Variants in MIB2 observed in about 807,000 individuals in gnomAD.
MIB2 encodes MIB E3 ubiquitin protein ligase 2.
Under a neutral mutation model 96.6 loss-of-function variants are expected in MIB2, and 78 were observed. The ratio of observed to expected loss-of-function variants is 0.81; its 90% CI spans 0.67 to 0.97. The LOEUF is 0.97. Among genes scored for constraint, MIB2 ranks in the 50% least tolerant of loss-of-function variants. The probability of loss-of-function intolerance (pLI) is 0.00; values close to 1 mark genes in which losing one functional copy is unlikely to be tolerated. For missense variants in MIB2, 1,543 were observed against 1,424.0 expected (o/e 1.08, Z -1.35); for synonymous variants, 820 against 629.5 (o/e 1.30, Z -4.53).
At chr1:1,615,706 G>T in intron 1 of MIB2, 73 bp downstream of exon 1, 1 of 1,504,112 alleles carries the variant, frequency 6.6e-7, no homozygotes. Flanking sequence ...CTGGCAGAAC[G>T]CGAGCGCCGT....
In MIB2 at chr1:1,623,946, G is replaced by T. The variant is rs1201454218; in HGVS notation, c.419+1G>T. The T allele has an allele frequency of 2.5e-6, 4 of 1,603,710 alleles. No individual in the cohort carries two copies. Among genetic ancestry groups the T allele is most frequent in the African/African-American group, 1.3e-5 (1 of 74,758 alleles). ...GCTACGAGACCGCTCACTCGCGCCC[G>T]TGAGTCCCGGGCCGCACCGGCTCCT... On this transcript the variant is annotated splice_donor_variant, in intron 4 of 19. Coordinates refer to ENST00000355826, the MANE Select transcript of MIB2 (RefSeq NM_001170687.4). LOFTEE classifies it high-confidence loss of function.
chr1:1,627,967 C>G, intron 13 of MIB2, 52 bp from the exon 14 acceptor site: 3 of 1,608,828 alleles, frequency 1.9e-6, no homozygotes, highest in South Asian at 2.2e-5. Context: ...TGCCCTGGCT[C>G]TTGACCCAAG....
chr1:1,630,269 C>A, intron 19 of MIB2, 23 bp from the exon 20 acceptor site: 4 of 1,318,552 alleles, frequency 3.0e-6, no homozygotes, highest in South Asian at 1.4e-5. Context: ...CCTCCCAGCT[C>A]ACACCCGTCC....
At chr1:1,624,644 C>T in intron 4 of MIB2, 151 bp from the exon 5 acceptor site, 2 of 740,194 alleles carry the variant, frequency 2.7e-6, no homozygotes, top group Non-Finnish European at 4.7e-6. Context: ...ACCTGCTGGA[C>T]CGGCCATTCC....
intron 16 of MIB2, 33 bp downstream of exon 16, chr1:1,628,755 C>A: frequency 6.9e-7 from 1 of 1,453,114 alleles, no homozygotes; most frequent in Non-Finnish European, 9.2e-7. Context: ...GCTGGAGAGG[C>A]TGCGGTGGCG....
At position 1,628,491 on chromosome 1, in the gene MIB2, C is replaced by T. The variant is rs1382784327; in HGVS notation, c.1971C>T (p.Gly657=). Residue 657 remains glycine (G), a splice_region_variant and synonymous_variant, in exon 16 of 20, where the codon GGC becomes GGT. Coordinates refer to ENST00000355826, the MANE Select transcript of MIB2 (RefSeq NM_001170687.4). ...REVAQILIRE[G]RCDVNVRNRK... ...AGCCCGTCCCCACCCCTCCCCAGGG[C>T]CGCTGTGACGTGAACGTGCGCAACC... 1.3e-6 allele frequency: 2 copies of T among 1,597,400 alleles called. No homozygotes were observed. Among genetic ancestry groups the T allele is most frequent in the Non-Finnish European group, 1.7e-6 (2 of 1,175,996 alleles).
intron 2 of MIB2, among the ~76,000 whole-genome samples, chr1:1,620,170 A>G (rs1212766408): frequency 4.6e-5 from 7 of 152,232 alleles, no homozygotes; most frequent in Non-Finnish European, 7.3e-5. Flanking sequence ...GGAAAGGTCC[A>G]ATGGCATATG....
At chr1:1,618,693 CCT>C (rs1282280045) in intron 2 of MIB2, 2 of 152,360 alleles carry the variant, frequency 1.3e-5, no homozygotes, top group Non-Finnish European at 2.9e-5. Context: ...CACAAGCTTC[CCT>C]CTGACATGGG....
At chr1:1,619,536 G>C (rs1437736004) in intron 2 of MIB2, among the ~76,000 whole-genome samples, 2 of 152,216 alleles carry the variant, frequency 1.3e-5, no homozygotes, top group African/African-American at 4.8e-5. Context: ...GGCCACTCCA[G>C]GGCAGTGCCA....
chr1:1,618,459 C>T (rs1569603328), intron 2 of MIB2: 1 of 152,874 alleles, frequency 6.5e-6, no homozygotes, highest in African/African-American at 2.4e-5. Context: ...ACTCCTACCC[C>T]TAATCTGGTG....
At position 1,629,619 on chromosome 1, in the gene MIB2, C is replaced by T; in HGVS notation, c.2564-20C>T. On this transcript the variant is annotated intron_variant, in intron 18 of 19. Coordinates refer to ENST00000355826, the MANE Select transcript of MIB2 (RefSeq NM_001170687.4). ...GCCCGGCTAGTAGGGCCGCAGCCAA[C>T]CGCGCTCTCCTCTTCGCAGAGTGCG... 1 of 1,573,940 alleles carries T rather than the reference C, an allele frequency of 6.4e-7. No homozygotes were observed. The highest frequency in any genetic ancestry group is 1.4e-5 in the African/African-American group (1 of 72,758).
chr1:1,629,424 G>A lies in MIB2; in HGVS notation c.2421G>A (p.Arg807=), dbSNP rs1157234747. ...GCGGGGGCGCGGCCCCGGGCCCCAG[G>A]CAAACGCTCGGGACCCCCAACACCG... ...QAGGGAAPGP[R]QTLGTPNTVT... The change falls in exon 18 of 20, where the codon AGG becomes AGA. Residue 807 remains arginine (R), a synonymous_variant. Transcript: ENST00000355826. 2.7e-6 allele frequency: 4 copies of A among 1,484,618 alleles called. No homozygotes were observed. In the African/African-American group the frequency reaches 4.4e-5, roughly 16 times the overall value. The allele number at this position is 1,484,618 out of a possible 1,614,324, so 92.0% of individuals were successfully genotyped here.
In MIB2 at chr1:1,625,053, A is replaced by T; in HGVS notation, c.589A>T (p.Ser197Cys). 2 of 1,613,090 alleles carry T rather than the reference A, an allele frequency of 1.2e-6. No homozygotes were observed. The highest frequency in any genetic ancestry group is 1.7e-6 in the Non-Finnish European group (2 of 1,179,956). Residue 197 changes from serine to cysteine, a missense_variant, in exon 6 of 20, where the codon AGT (serine) becomes TGT (cysteine). Coordinates refer to ENST00000355826, the MANE Select transcript of MIB2 (RefSeq NM_001170687.4). The surrounding 1 kb of genome is among the most constrained non-coding windows in gnomAD (Gnocchi z 5.0). ...TGGCTGGGATGTGGAGACAGGCCGG[A>T]GTGTGGCCAGCGTGACGTGGGCTGA... Reference protein sequence around the residue: ...IRGWDVETGRSVASVTWADGT... With the variant: ...IRGWDVETGRCVASVTWADGT...
At chr1:1,627,517 G>T in intron 12 of MIB2, 73 bp downstream of exon 12, 1 of 1,483,674 alleles carries the variant, frequency 6.7e-7, no homozygotes, top group Non-Finnish European at 8.8e-7. Flanking sequence ...GAGGGGCCCG[G>T]CCGGCGGGGC....
chr1:1,620,367 C>T (rs773853160), intron 2 of MIB2, among the ~76,000 whole-genome samples: 9 of 146,974 alleles, frequency 6.1e-5, no homozygotes, highest in African/African-American at 7.6e-5. Context: ...TCGGCAGATG[C>T]GTGTCCCCTA....
Position 1,616,605 on chromosome 1 carries a change from G to A in MIB2, c.-32G>A, listed in dbSNP as rs1449161717. 1 of 1,592,924 alleles carries A rather than the reference G, an allele frequency of 6.3e-7. No individual in the cohort carries two copies. The highest frequency in any genetic ancestry group is 2.3e-5 in the East Asian group (1 of 43,830). On this transcript the variant is annotated 5_prime_UTR_variant, in exon 2 of 20. Transcript: ENST00000355826. ...AAGGCGGCCCGGCGGGCGACTGGAC[G>A]GCCGGACAGGTGAGCTCTTGATCGT...
rs772121269 is a variant in MIB2 at position 1,628,608 on chromosome 1, C to T, written c.2088C>T (p.Ala696=). 16 of 1,598,890 alleles carry T rather than the reference C, an allele frequency of 1.0e-5. 1 individual carries two copies. In the Middle Eastern group the frequency reaches 7.7e-4, roughly 77 times the overall value. ...LLVDAGCSVN[A]EDEEGDTALH... is the part of the protein sequence containing the mutation. ...TGGACGCTGGGTGCAGTGTCAACGC[C>T]GAGGACGAGGAGGGGGACACAGCCC... is the stretch of plus-strand genomic sequence containing the variant. Residue 696 remains alanine (A), a synonymous_variant, in exon 16 of 20, where the codon GCC becomes GCT. Coordinates refer to ENST00000355826, the MANE Select transcript of MIB2 (RefSeq NM_001170687.4).
rs1009939204 is a variant in MIB2, at chr1:1,626,212, G to A, written c.973-438G>A. ...CAGGCACCTTTGAGGAGGCGCCGAA[G>A]GGAGTCATGAGACGGGCTTGTAGAG... On this transcript the variant is annotated intron_variant, in intron 8 of 19. Transcript: ENST00000355826. This position sits in a 1 kb window ranked among gnomAD's most constrained non-coding sequence, Gnocchi z 5.3. 3 of 206,742 alleles carry A rather than the reference G, an allele frequency of 1.5e-5. No homozygotes were observed. The highest frequency in any genetic ancestry group is 1.9e-5 in the Non-Finnish European group (2 of 103,082). The allele number at this position is 206,742 out of a possible 1,614,324, so 12.8% of individuals were successfully genotyped here.
intron 4 of MIB2, 38 bp from the exon 5 acceptor site, chr1:1,624,757 T>A: frequency 6.3e-7 from 1 of 1,585,230 alleles, no homozygotes; most frequent in South Asian, 1.1e-5. Context: ...GAGATGGCGG[T>A]TTTCTTCTGA....
Sources: gnomAD v4.1 joint callset for allele counts (sites outside exome capture counted in the v4.1 genomes callset) on GRCh38, gnomAD v4.1.1 for gene constraint, Gnocchi (gnomAD v3.1) non-coding constraint, MANE v1.5 for transcripts, NCBI Gene and HGNC (gene_info 2026-07-23, HGNC 2026-07-21) for gene names.